Variants in ZNF732 observed in about 807,000 individuals in gnomAD.
The protein encoded by ZNF732 is zinc finger protein 732, also known as zinc finger protein LOC654254.
A neutral mutation model predicts 11.5 loss-of-function variants in ZNF732; 12 were observed. That is an observed-to-expected ratio of 1.05 (90% confidence interval 0.67 to 1.70). ZNF732 has a LOEUF of 1.70. Among genes scored for constraint, ZNF732 ranks in the 40% most tolerant of loss-of-function variants. The pLI is 0.00. For missense variants in ZNF732, 702 were observed against 676.9 expected, an observed-to-expected ratio of 1.04 and a Z score of -0.41; for synonymous variants, 231 against 236.5, an observed-to-expected ratio of 0.98 and a Z score of 0.21.
At chr4:293,080 A>C (rs1396742105) in intron 3 of ZNF732, among the ~76,000 whole-genome samples, 2 of 147,330 alleles carry the variant, frequency 1.4e-5, no homozygotes, top group Admixed American at 6.8e-5. Context: ...AAAAAAAAAA[A>C]AAAAAAAAAA....
At chr4:300,469 A>AG (rs1553843438) in intron 1 of ZNF732, among the ~76,000 whole-genome samples, 12 of 151,236 alleles carry the variant, frequency 7.9e-5, no homozygotes, top group African/African-American at 2.7e-4. Flanking sequence ...AAAAAAAAAA[A>AG]AAAAAGAAAA....
chr4:271,690 G>A lies in ZNF732; in HGVS notation c.1167C>T (p.Pro389=), dbSNP rs61792084. The change falls in exon 4 of 4, where the codon CCC becomes CCT. Residue 389 remains proline (P), a synonymous_variant. Transcript: ENST00000419098. ...CTTTTCCACATTCTTCACATGTGTA[G>A]GGTTTCTCTCCAGTATGAATACTCT... The part of the protein sequence containing the change: ...KHKSIHTGEK[P]YTCEECGKAF... 6.2e-7 allele frequency: 1 copy of A among 1,611,824 alleles called. No homozygotes were observed. Among genetic ancestry groups the A allele is most frequent in the South Asian group, 1.1e-5 (1 of 90,860 alleles).
rs1168282463 is a variant in ZNF732 at position 271,164 on chromosome 4, T to C, written c.1693A>G (p.Lys565Glu). ...AGGTATGAGGACCACTTAAAGGCTT[T>C]GCCACATCCTTTACATTTGGGGGTT... ...DKTPKCKGCGKAFKWSSYLNQ... is the reference protein window; with the variant it reads ...DKTPKCKGCGEAFKWSSYLNQ... The change falls in exon 4 of 4, where the codon AAA becomes GAA. Residue 565 changes from lysine to glutamate, a missense_variant. Coordinates refer to ENST00000419098, the MANE Select transcript of ZNF732 (RefSeq NM_001137608.3). 1 of 1,551,924 alleles carries C rather than the reference T, an allele frequency of 6.4e-7. No homozygotes were observed. The highest frequency in any genetic ancestry group is 8.7e-7 in the Non-Finnish European group (1 of 1,147,734).
At chr4:290,112 T>C (rs1553841161) in intron 3 of ZNF732, among the ~76,000 whole-genome samples, 2 of 152,182 alleles carry the variant, frequency 1.3e-5, no homozygotes, top group East Asian at 3.8e-4. Context: ...CAGTGTAAGA[T>C]TCCACTTATA....
At chr4:292,242 GGAAAA>G (rs1719853685) in intron 3 of ZNF732, among the ~76,000 whole-genome samples, 1 of 152,034 alleles carries the variant, frequency 6.6e-6, no homozygotes, top group South Asian at 2.1e-4. Flanking sequence ...GCACAGCAAA[GGAAAA>G]GAAAACAAAA....
intron 3 of ZNF732, among the ~76,000 whole-genome samples, chr4:287,387 G>C (rs1361171950): frequency 1.3e-5 from 2 of 150,854 alleles, no homozygotes; most frequent in Non-Finnish European, 3.0e-5. Context: ...GCTAATTTTT[G>C]TATTTTTAGT....
intron 3 of ZNF732, among the ~76,000 whole-genome samples, chr4:275,360 C>A (rs1421430750): frequency 6.6e-6 from 1 of 151,280 alleles, no homozygotes. Flanking sequence ...AAATGCAATC[C>A]CTGTCAAATT....
chr4:289,547 T>C (rs1163488092), intron 3 of ZNF732, among the ~76,000 whole-genome samples: 1 of 152,254 alleles, frequency 6.6e-6, no homozygotes, highest in Non-Finnish European at 1.5e-5. Context: ...TTCTAGATTT[T>C]GTACATCTCA....
At chr4:275,788 CATT>C (rs1235182512) in intron 3 of ZNF732, among the ~76,000 whole-genome samples, 10 of 151,586 alleles carry the variant, frequency 6.6e-5, no homozygotes, top group Admixed American at 3.3e-4. Flanking sequence ...ATCTTGATGA[CATT>C]ATACAACAAA....
chr4:285,713 G>A (rs991598777), intron 3 of ZNF732, among the ~76,000 whole-genome samples: 1 of 152,054 alleles, frequency 6.6e-6, no homozygotes, highest in East Asian at 1.9e-4. Context: ...ACAGACCCAC[G>A]GTCTCCCTCC....
At chr4:276,501 A>G (rs1581533108) in intron 3 of ZNF732, among the ~76,000 whole-genome samples, 1 of 151,950 alleles carries the variant, frequency 6.6e-6, no homozygotes, top group East Asian at 1.9e-4. Context: ...CATAATATCT[A>G]TACCTAATTT....
chr4:291,463 TAAG>T (rs1200916570), intron 3 of ZNF732, among the ~76,000 whole-genome samples: 36 of 152,020 alleles, frequency 2.4e-4, no homozygotes, highest in African/African-American at 8.5e-4. Flanking sequence ...ACTATAAAAA[TAAG>T]AAATTAATTC....
At chr4:296,495 G>A (rs61792115) in intron 1 of ZNF732, among the ~76,000 whole-genome samples, 1 of 152,024 alleles carries the variant, frequency 6.6e-6, no homozygotes, top group South Asian at 2.1e-4. Context: ...AATATGCGAG[G>A]AACTTAATTT....
intron 1 of ZNF732, among the ~76,000 whole-genome samples, chr4:302,928 C>T (rs1001270569): frequency 3.3e-5 from 5 of 152,088 alleles, no homozygotes; most frequent in Non-Finnish European, 5.9e-5. Flanking sequence ...GTTGACTCTC[C>T]CTTAGCTAAG....
chr4:273,845 T>C (rs79242577), intron 3 of ZNF732, among the ~76,000 whole-genome samples: 2,219 of 151,206 alleles, frequency 0.015, 63 homozygotes, highest in African/African-American at 0.051. Context: ...ACAGAAAGAA[T>C]TGGGATATTG....
At chr4:284,846 GGGCC>G (rs1719696184) in intron 3 of ZNF732, among the ~76,000 whole-genome samples, 1 of 138,528 alleles carries the variant, frequency 7.2e-6, no homozygotes, top group Non-Finnish European at 1.5e-5. Context: ...ACTCCAGCCC[GGGCC>G]ACAGAGTGAG....
At position 289,790 on chromosome 4, in the gene ZNF732, G is replaced by A. The variant is rs782117986; in HGVS notation, c.226+5648C>T. On this transcript the variant is annotated intron_variant, in intron 3 of 3. Transcript: ENST00000419098. Reference sequence around the variant, plus strand: ...CACTATGGCAAAGACAGTACCAAAGGGGATGGTACTAAACGATTCATGAGA... The same window carrying A: ...CACTATGGCAAAGACAGTACCAAAGAGGATGGTACTAAACGATTCATGAGA... Among the ~76,000 whole-genome samples, 49 of 152,228 alleles carry A rather than the reference G, an allele frequency of 3.2e-4. No homozygotes were observed. The South Asian group carries it at 5.4e-3, about 17-fold the overall frequency.
rs1719346868 is a variant in ZNF732 at position 271,183 on chromosome 4, G to C, written c.1674C>G (p.Pro558=). ...YKTIHTGDKT[P]KCKGCGKAFK... ...AGGCTTTGCCACATCCTTTACATTT[G>C]GGGGTTTTATCTCCAGTATGAATTG... Residue 558 remains proline, a synonymous_variant, in exon 4 of 4, where the codon CCC becomes CCG. Transcript: ENST00000419098. 1 of 1,554,200 alleles carries C rather than the reference G, an allele frequency of 6.4e-7. No individual in the cohort carries two copies. The highest frequency in any genetic ancestry group is 1.2e-5 in the South Asian group (1 of 84,478).
At chr4:289,744 G>T (rs189201542) in intron 3 of ZNF732, among the ~76,000 whole-genome samples, 2 of 152,212 alleles carry the variant, frequency 1.3e-5, no homozygotes, top group East Asian at 3.9e-4. Context: ...GAAAGAAAAT[G>T]AGATCTCAGG....
Sources: allele counts gnomAD v4.1 joint callset (sites outside exome capture counted in the v4.1 genomes callset), GRCh38; gene constraint gnomAD v4.1.1; transcripts MANE v1.5; gene names NCBI Gene and HGNC (gene_info 2026-07-23, HGNC 2026-07-21).